The following PDZD2 variants were observed in gnomAD, a reference collection of about 807,000 sequenced individuals.
The protein encoded by PDZD2 is PDZ domain containing 2, also known as PDZ domain-containing protein 2.
PDZD2 carries 90 observed loss-of-function variants against 220.7 expected under a neutral mutation model. That is an observed-to-expected ratio of 0.41 (90% CI 0.34 to 0.49). PDZD2 has a LOEUF of 0.49. PDZD2 is among the 20% of genes least tolerant of loss of function. The pLI is 0.28. For missense variants in PDZD2, 3,174 were observed against 3,608.5 expected, an observed-to-expected ratio of 0.88 and a Z score of 3.08; for synonymous variants, 1,375 against 1,450.5, an observed-to-expected ratio of 0.95 and a Z score of 1.18.
intron 2 of PDZD2, among the ~76,000 whole-genome samples, chr5:31,898,817 T>G (rs1239959830): frequency 1.3e-5 from 2 of 150,686 alleles, no homozygotes; most frequent in Non-Finnish European, 3.0e-5. Flanking sequence ...TCTTTTTTTT[T>G]TTTTTTTTTG....
chr5:32,081,068 C>T (rs958139628), intron 19 of PDZD2, among the ~76,000 whole-genome samples: 2 of 149,842 alleles, frequency 1.3e-5, no homozygotes, highest in Non-Finnish European at 3.0e-5. Context: ...CACATGTATC[C>T]CAGAACTTAA....
rs139747768 is a variant in PDZD2 at position 32,109,905 on chromosome 5, C to CTCA, written c.*1774_*1776dup. The stretch of plus-strand genomic sequence containing the variant: ...AGCTGGCTTGTCTGAGTCCAGATTT[C>CTCA]TCATCAACTGGCAATACAAAGGAAA... On this transcript the variant is annotated 3_prime_UTR_variant, in exon 25 of 25. Transcript: ENST00000438447. 2.9e-4 allele frequency: 44 copies of CTCA among 152,730 alleles called. No individual in the cohort carries two copies. The highest frequency in any genetic ancestry group is 3.4e-3 in the Middle Eastern group (1 of 294). 9.5% of individuals were successfully genotyped at this position (152,730 alleles called of 1,614,324 possible).
intron 1 of PDZD2, among the ~76,000 whole-genome samples, chr5:31,649,815 A>G (rs1459066626): frequency 1.3e-5 from 2 of 151,628 alleles, no homozygotes; most frequent in Non-Finnish European, 2.9e-5. Context: ...GCGCGCGCCT[A>G]TAGTCCCAGC....
chr5:31,753,940 C>T (rs1751162054), intron 1 of PDZD2, among the ~76,000 whole-genome samples: 1 of 152,154 alleles, frequency 6.6e-6, no homozygotes. Flanking sequence ...GCATTAGCAT[C>T]CCATTGTTCT....
At chr5:31,783,697 A>G (rs1753195498) in intron 1 of PDZD2, among the ~76,000 whole-genome samples, 2 of 151,868 alleles carry the variant, frequency 1.3e-5, no homozygotes, top group Non-Finnish European at 2.9e-5. Flanking sequence ...GAGAGTGTCT[A>G]TTTCCTATAG....
At chr5:31,810,411 C>T (rs1028522417) in intron 2 of PDZD2, among the ~76,000 whole-genome samples, 2 of 151,720 alleles carry the variant, frequency 1.3e-5, no homozygotes, top group Non-Finnish European at 2.9e-5. Context: ...TACAGGTGCC[C>T]ACCACCACGC....
intron 2 of PDZD2, among the ~76,000 whole-genome samples, chr5:31,933,937 T>G (rs1418130588): frequency 6.6e-6 from 1 of 152,216 alleles, no homozygotes; most frequent in Non-Finnish European, 1.5e-5. Context: ...GCTTGTGTAC[T>G]TGCTGAATTC....
chr5:32,060,960 C>T (rs376898159), intron 13 of PDZD2, 42 bp from the exon 14 acceptor site: 1 of 1,608,994 alleles, frequency 6.2e-7, no homozygotes, highest in Non-Finnish European at 8.5e-7. Context: ...CTTTAAGAAG[C>T]TGGCTGCTAA....
chr5:31,685,533 T>C (rs1372137507), intron 1 of PDZD2, among the ~76,000 whole-genome samples: 1 of 152,166 alleles, frequency 6.6e-6, no homozygotes, highest in Middle Eastern at 3.2e-3. Context: ...TTTATTATTA[T>C]TATTTTTTGA....
intron 3 of PDZD2, among the ~76,000 whole-genome samples, chr5:31,985,635 G>T (rs1444502411): frequency 6.6e-6 from 1 of 152,148 alleles, no homozygotes; most frequent in Non-Finnish European, 1.5e-5. Context: ...GGAGGTTGCC[G>T]TGAGCCAGGA....
intron 2 of PDZD2, among the ~76,000 whole-genome samples, chr5:31,816,909 C>T (rs1419795003): frequency 6.6e-5 from 10 of 152,214 alleles, no homozygotes; most frequent in South Asian, 2.1e-4. Context: ...CCAGGCTGGG[C>T]GCCATGGCTC....
At chr5:31,965,597 T>C (rs545348669) in intron 2 of PDZD2, among the ~76,000 whole-genome samples, 1 of 152,222 alleles carries the variant, frequency 6.6e-6, no homozygotes, top group African/African-American at 2.4e-5. Flanking sequence ...GGAGCTGCTT[T>C]AAAAATGGAA....
At chr5:31,812,337 A>G (rs1259711452) in intron 2 of PDZD2, among the ~76,000 whole-genome samples, 1 of 152,220 alleles carries the variant, frequency 6.6e-6, no homozygotes, top group African/African-American at 2.4e-5. Flanking sequence ...TTAGATATGG[A>G]TTGACACTGG....
intron 2 of PDZD2, among the ~76,000 whole-genome samples, chr5:31,964,498 T>G (rs1246076376): frequency 6.6e-6 from 1 of 152,102 alleles, no homozygotes; most frequent in Non-Finnish European, 1.5e-5. Flanking sequence ...TTTTTTGTTG[T>G]TTTTTTCCCA....
intron 1 of PDZD2, among the ~76,000 whole-genome samples, chr5:31,775,558 G>A (rs146043279): frequency 6.6e-6 from 1 of 152,160 alleles, no homozygotes; most frequent in African/African-American, 2.4e-5. Context: ...GGCTGCAACT[G>A]TTTGGCCCAA....
At chr5:31,641,072 C>G (rs1001679374) in intron 1 of PDZD2, among the ~76,000 whole-genome samples, 1 of 152,128 alleles carries the variant, frequency 6.6e-6, no homozygotes, top group Non-Finnish European at 1.5e-5. Context: ...TTTCTCTGTT[C>G]ATTTCAATCA....
chr5:31,864,876 TCTCG>T (rs1332003822), intron 2 of PDZD2, among the ~76,000 whole-genome samples: 1 of 127,868 alleles, frequency 7.8e-6, no homozygotes, highest in East Asian at 2.3e-4. Flanking sequence ...TGAGACGGAG[TCTCG>T]CTCTGTCGCC....
intron 6 of PDZD2, among the ~76,000 whole-genome samples, chr5:32,011,008 C>CAAAAAAAA (rs34837601): frequency 2.0e-5 from 2 of 100,354 alleles, no homozygotes; most frequent in African/African-American, 9.6e-5. Flanking sequence ...AAAAACCTCT[C>CAAAAAAAA]AAAAAAAAAA....
intron 2 of PDZD2, among the ~76,000 whole-genome samples, chr5:31,963,776 C>G (rs1460387854): frequency 1.3e-5 from 2 of 152,338 alleles, no homozygotes; most frequent in East Asian, 3.9e-4. Context: ...TGTCTCATCT[C>G]TCTCTGGCAG....
Sources: gnomAD v4.1 joint callset for allele counts (sites outside exome capture counted in the v4.1 genomes callset) on GRCh38, gnomAD v4.1.1 for gene constraint, MANE v1.5 for transcripts, NCBI Gene and HGNC (gene_info 2026-07-23, HGNC 2026-07-21) for gene names.